Variants in DLG2 observed in about 807,000 individuals in gnomAD.
The protein encoded by DLG2 is discs large MAGUK scaffold protein 2, also known as disks large homolog 2.
A neutral mutation model predicts 132.5 loss-of-function variants in DLG2; 45 were observed. That is an observed-to-expected ratio of 0.34 (90% confidence interval 0.27 to 0.44). The LOEUF (loss-of-function observed/expected upper bound fraction) is 0.44. DLG2 is among the 20% of genes least tolerant of loss of function. DLG2 has a pLI of 1.00. For synonymous variants in DLG2, 424 were observed against 419.6 expected (o/e 1.01, Z -0.13); for missense variants, 1,045 against 1,196.9 (o/e 0.87, Z 1.87).
chr11:84,128,760 C>G (rs547577091), intron 9 of DLG2, among the ~76,000 whole-genome samples: 1 of 151,788 alleles, frequency 6.6e-6, no homozygotes, highest in African/African-American at 2.4e-5. Context: ...TATAATCAAG[C>G]GAGGCTGTGC....
intron 18 of DLG2, among the ~76,000 whole-genome samples, chr11:83,690,468 T>C (rs996194161): frequency 6.6e-6 from 1 of 152,082 alleles, no homozygotes; most frequent in African/African-American, 2.4e-5. Context: ...CTAAATGTAA[T>C]GGCTCTCCCC....
chr11:83,906,106 CATATAT>C (rs2074746384), intron 15 of DLG2, among the ~76,000 whole-genome samples: 3 of 60,914 alleles, frequency 4.9e-5, no homozygotes, highest in African/African-American at 9.0e-5. Flanking sequence ...TATATATATA[CATATAT>C]AGTTTTGCAC....
chr11:84,812,297 T>C (rs562092274), intron 6 of DLG2, among the ~76,000 whole-genome samples: 2 of 152,318 alleles, frequency 1.3e-5, no homozygotes, highest in East Asian at 3.9e-4. Flanking sequence ...ATAATTGAAC[T>C]TTATAAACTC....
chr11:83,657,503 C>G (rs1307053618), intron 18 of DLG2, among the ~76,000 whole-genome samples: 2 of 150,074 alleles, frequency 1.3e-5, no homozygotes, highest in African/African-American at 2.5e-5. Context: ...TGTTGTTTAC[C>G]AGTAGTCCGT....
At chr11:83,940,342 T>C (rs2082366353) in intron 14 of DLG2, among the ~76,000 whole-genome samples, 1 of 152,230 alleles carries the variant, frequency 6.6e-6, no homozygotes, top group South Asian at 2.1e-4. Flanking sequence ...CACTTGGTTT[T>C]GTACTTTGAT....
chr11:83,875,848 G>A (rs1184233454), intron 15 of DLG2, among the ~76,000 whole-genome samples: 1 of 152,138 alleles, frequency 6.6e-6, no homozygotes, highest in East Asian at 1.9e-4. Context: ...GGTGGGAAGA[G>A]GTGTTTTCCT....
At chr11:84,349,859 A>G (rs945149940) in intron 7 of DLG2, among the ~76,000 whole-genome samples, 3 of 143,610 alleles carry the variant, frequency 2.1e-5, no homozygotes, top group African/African-American at 8.4e-5. Context: ...TATCGCTAAG[A>G]TGAATCTTTA....
intron 3 of DLG2, among the ~76,000 whole-genome samples, chr11:85,507,570 C>A (rs1020416618): frequency 6.6e-6 from 1 of 152,260 alleles, no homozygotes. Flanking sequence ...GAGTTTCTGC[C>A]GAGAGATCAG....
intron 9 of DLG2, among the ~76,000 whole-genome samples, chr11:84,161,790 C>A (rs186404399): frequency 1.9e-4 from 29 of 152,262 alleles, no homozygotes; most frequent in African/African-American, 6.5e-4. Flanking sequence ...TGTTGTACTG[C>A]ACTCCATAAA....
intron 19 of DLG2, among the ~76,000 whole-genome samples, chr11:83,622,384 A>T (rs1049999641): frequency 6.6e-6 from 1 of 152,170 alleles, no homozygotes; most frequent in Non-Finnish European, 1.5e-5. Context: ...CTGGCTGTAG[A>T]ATCTATCCTG....
intron 21 of DLG2, among the ~76,000 whole-genome samples, chr11:83,503,072 C>T (rs1307009733): frequency 6.6e-6 from 1 of 151,818 alleles, no homozygotes; most frequent in Admixed American, 6.6e-5. Flanking sequence ...AATTTAATGA[C>T]AGAGATTTCT....
At chr11:85,313,018 G>GTGGC (rs1432930955) in intron 3 of DLG2, among the ~76,000 whole-genome samples, 2 of 151,964 alleles carry the variant, frequency 1.3e-5, no homozygotes, top group African/African-American at 4.8e-5. Context: ...GCATTTGGCT[G>GTGGC]TGGCTATATA....
At chr11:84,330,877 C>T (rs1361522989) in intron 7 of DLG2, among the ~76,000 whole-genome samples, 1 of 152,144 alleles carries the variant, frequency 6.6e-6, no homozygotes, top group African/African-American at 2.4e-5. Flanking sequence ...CCATCAAAAA[C>T]TGGGCAAAAG....
rs1035745114 is a variant in DLG2 at position 85,480,550 on chromosome 11, A to T, written c.40+118107T>A. On this transcript the variant is annotated intron_variant, in intron 3 of 27. Coordinates refer to ENST00000376104, the MANE Select transcript of DLG2 (RefSeq NM_001142699.3). ...CAACTTAAAATATGCAAAATAAAAC[A>T]TATATTGTTTATGGATATACATGTG... Among the ~76,000 whole-genome samples the T allele has an allele frequency of 7.9e-5, 12 of 152,378 alleles. No individual in the cohort carries two copies. The East Asian group carries it at 1.3e-3, about 17-fold the overall frequency.
At chr11:85,624,149 G>C (rs1168633516) in intron 2 of DLG2, among the ~76,000 whole-genome samples, 1 of 152,312 alleles carries the variant, frequency 6.6e-6, no homozygotes, top group South Asian at 2.1e-4. Context: ...TAGAGTGAGA[G>C]AAGTAGAAAG....
chr11:84,511,665 C>T (rs2099257283), intron 7 of DLG2, among the ~76,000 whole-genome samples: 1 of 152,122 alleles, frequency 6.6e-6, no homozygotes, highest in Admixed American at 6.6e-5. Context: ...CAAAAACAAT[C>T]TTAAATGATA....
At chr11:84,280,834 G>A (rs1457545537) in intron 7 of DLG2, among the ~76,000 whole-genome samples, 1 of 147,394 alleles carries the variant, frequency 6.8e-6, no homozygotes, top group Non-Finnish European at 1.5e-5. Context: ...AGTAGTAGCT[G>A]GAACTAGAGG....
chr11:83,818,268 T>A (rs181060384), intron 17 of DLG2, among the ~76,000 whole-genome samples: 177 of 152,318 alleles, frequency 1.2e-3, no homozygotes, highest in African/African-American at 3.9e-3. Flanking sequence ...CACTCCTGCT[T>A]TTCAAAACTT....
intron 6 of DLG2, among the ~76,000 whole-genome samples, chr11:84,910,236 T>C (rs2091931815): frequency 6.6e-6 from 1 of 152,172 alleles, no homozygotes; most frequent in Non-Finnish European, 1.5e-5. Context: ...TCTGCAAAAC[T>C]ATCTTCCAAA....
Sources: gnomAD v4.1 joint callset for allele counts (sites outside exome capture counted in the v4.1 genomes callset) on GRCh38, gnomAD v4.1.1 for gene constraint, MANE v1.5 for transcripts, NCBI Gene and HGNC (gene_info 2026-07-23, HGNC 2026-07-21) for gene names.